Variants in PSD3 observed in about 807,000 individuals in gnomAD.
PSD3 encodes PH and SEC7 domain-containing protein 3.
PSD3 carries 49 observed loss-of-function variants against 105.5 expected under a neutral mutation model. The observed-to-expected ratio is 0.46, with a 90% CI of 0.37 to 0.59. The LOEUF (loss-of-function observed/expected upper bound fraction) is 0.59. Among genes scored for constraint, PSD3 ranks in the 20% least tolerant of loss-of-function variants. The pLI is 0.00. For missense variants in PSD3, 1,561 were observed against 1,263.8 expected (o/e 1.24, Z -3.57); for synonymous variants, 557 against 457.8 (o/e 1.22, Z -2.77).
At chr8:18,781,768 A>G (rs534135902) in intron 8 of PSD3, among the ~76,000 whole-genome samples, 9 of 152,162 alleles carry the variant, frequency 5.9e-5, no homozygotes, top group African/African-American at 2.2e-4. Context: ...AGAAGTTTTT[A>G]CCTATTATTT....
intron 1 of PSD3, among the ~76,000 whole-genome samples, chr8:18,946,183 T>G (rs577968786): frequency 6.6e-6 from 1 of 152,314 alleles, no homozygotes; most frequent in African/African-American, 2.4e-5. Context: ...TAAAAATTTT[T>G]TATTGCTGAA....
At chr8:18,801,532 T>C in intron 6 of PSD3, 150 bp from the exon 7 acceptor site, 3 of 560,994 alleles carry the variant, frequency 5.3e-6, no homozygotes, top group South Asian at 2.5e-5. Context: ...AATCATTTAC[T>C]AGACAGCCAT....
At chr8:18,788,465 A>C (rs1809392897) in intron 8 of PSD3, among the ~76,000 whole-genome samples, 1 of 152,200 alleles carries the variant, frequency 6.6e-6, no homozygotes, top group Admixed American at 6.5e-5. Flanking sequence ...ACCATCGCCT[A>C]ACTTAAAATC....
At chr8:18,831,134 A>T (rs1184881265) in intron 4 of PSD3, among the ~76,000 whole-genome samples, 9 of 142,624 alleles carry the variant, frequency 6.3e-5, no homozygotes, top group Admixed American at 3.4e-4. Flanking sequence ...AGTGCACCTA[A>T]GTGCATAAAA....
intron 1 of PSD3, among the ~76,000 whole-genome samples, chr8:19,064,985 T>C (rs1375386569): frequency 6.6e-6 from 1 of 152,188 alleles, no homozygotes; most frequent in Non-Finnish European, 1.5e-5. Flanking sequence ...TCATGCTAAG[T>C]GCCACATAAT....
At chr8:18,961,836 G>A (rs908224251) in intron 1 of PSD3, among the ~76,000 whole-genome samples, 1 of 151,970 alleles carries the variant, frequency 6.6e-6, no homozygotes, top group Non-Finnish European at 1.5e-5. Flanking sequence ...CTAAATCCTG[G>A]CCAAAAGTAT....
chr8:19,026,802 G>A (rs574032752), intron 1 of PSD3, among the ~76,000 whole-genome samples: 1 of 151,650 alleles, frequency 6.6e-6, no homozygotes, highest in East Asian at 1.9e-4. Flanking sequence ...GAGTCCAGGA[G>A]TTTGAAGCTG....
intron 11 of PSD3, among the ~76,000 whole-genome samples, chr8:18,602,538 AG>A (rs1259753180): frequency 6.6e-6 from 1 of 152,180 alleles, no homozygotes; most frequent in Non-Finnish European, 1.5e-5. Flanking sequence ...AAAGATAACT[AG>A]GGAGCAATTA....
At chr8:18,633,074 T>C (rs930937807) in intron 10 of PSD3, among the ~76,000 whole-genome samples, 10 of 151,968 alleles carry the variant, frequency 6.6e-5, no homozygotes, top group African/African-American at 2.4e-4. Context: ...AGGCCACAGA[T>C]TTAGTGATGA....
intron 1 of PSD3, among the ~76,000 whole-genome samples, chr8:18,958,253 T>C (rs1186397888): frequency 1.3e-5 from 2 of 152,250 alleles, no homozygotes; most frequent in African/African-American, 4.8e-5. Context: ...ATGTATCATC[T>C]ACATAATTAT....
intron 1 of PSD3, among the ~76,000 whole-genome samples, chr8:19,066,879 G>T (rs759829882): frequency 3.9e-5 from 6 of 152,182 alleles, no homozygotes; most frequent in Admixed American, 2.0e-4. Context: ...CAGGCTGGGT[G>T]CCCCAATTAT....
chr8:18,811,159 T>A (rs1004244036), intron 4 of PSD3, among the ~76,000 whole-genome samples: 3 of 152,214 alleles, frequency 2.0e-5, no homozygotes, highest in Non-Finnish European at 4.4e-5. Flanking sequence ...TGCCAGCCTC[T>A]GGGCTTCTTC....
At chr8:19,065,336 C>G (rs1306320365) in intron 1 of PSD3, among the ~76,000 whole-genome samples, 1 of 152,134 alleles carries the variant, frequency 6.6e-6, no homozygotes, top group Non-Finnish European at 1.5e-5. Flanking sequence ...AAACAATCAG[C>G]TCTGCGGTGG....
chr8:18,651,978 A>G (rs1808516004), intron 10 of PSD3, among the ~76,000 whole-genome samples: 1 of 152,210 alleles, frequency 6.6e-6, no homozygotes, highest in Non-Finnish European at 1.5e-5. Context: ...GGCAAACACT[A>G]TAAATGCCTG....
At chr8:19,050,557 A>G (rs1407467019) in intron 1 of PSD3, among the ~76,000 whole-genome samples, 1 of 152,216 alleles carries the variant, frequency 6.6e-6, no homozygotes, top group Non-Finnish European at 1.5e-5. Context: ...GAAATTGGAA[A>G]TCATCATTCT....
chr8:18,573,947 A>G (rs998473881), intron 13 of PSD3, among the ~76,000 whole-genome samples: 1 of 152,190 alleles, frequency 6.6e-6, no homozygotes, highest in African/African-American at 2.4e-5. Context: ...TGGTACGTAA[A>G]GCATACCTCA....
At chr8:18,878,446 T>C (rs1817876308) in intron 2 of PSD3, among the ~76,000 whole-genome samples, 1 of 152,070 alleles carries the variant, frequency 6.6e-6, no homozygotes. Flanking sequence ...CCCTTTCACA[T>C]GTTATACCAT....
At chr8:19,068,316 G>T (rs1479804391) in intron 1 of PSD3, among the ~76,000 whole-genome samples, 3 of 150,774 alleles carry the variant, frequency 2.0e-5, no homozygotes, top group Admixed American at 1.3e-4. Flanking sequence ...TTTGAGACAG[G>T]GTTCACTCTG....
chr8:18,921,441 T>C (rs1170980517), intron 2 of PSD3, among the ~76,000 whole-genome samples: 3 of 152,238 alleles, frequency 2.0e-5, no homozygotes, highest in Non-Finnish European at 4.4e-5. Context: ...TCTAACTGCA[T>C]AGGCATGGGT....
Sources: gnomAD v4.1 joint callset for allele counts (sites outside exome capture counted in the v4.1 genomes callset) on GRCh38, gnomAD v4.1.1 for gene constraint, MANE v1.5 for transcripts, NCBI Gene and HGNC (gene_info 2026-07-23, HGNC 2026-07-21) for gene names.